ZNF839: variants seen among roughly 807,000 people sequenced by gnomAD.
ZNF839 encodes renal carcinoma antigen NY-REN-50.
ZNF839 carries 38 observed loss-of-function variants against 56.4 expected under a neutral mutation model. The observed-to-expected ratio is 0.67, with a 90% CI of 0.52 to 0.88. ZNF839 has a LOEUF of 0.88. Among genes scored for constraint, ZNF839 ranks in the 40% least tolerant of loss-of-function variants. The pLI, the probability that ZNF839 is intolerant of heterozygous loss-of-function variation, is 0.00. For missense variants in ZNF839, 1,091 were observed against 1,177.6 expected (o/e 0.93, Z 1.08); for synonymous variants, 486 against 493.5 (o/e 0.98, Z 0.20).
chr14:102,335,638 A>C (rs888589495), intron 4 of ZNF839, 51 bp from the exon 5 acceptor site: 3 of 1,525,638 alleles, frequency 2.0e-6, no homozygotes, highest in African/African-American at 1.4e-5. Context: ...TGTATTTTCC[A>C]TATCAGTGCC....
intron 4 of ZNF839, 50 bp from the exon 5 acceptor site, chr14:102,335,639 T>C: frequency 2.6e-6 from 4 of 1,529,194 alleles, no homozygotes; most frequent in Non-Finnish European, 3.5e-6. Context: ...GTATTTTCCA[T>C]ATCAGTGCCT....
rs771374810 is a variant in ZNF839, at chr14:102,340,192, T to C, written c.1927+969T>C. Among the ~76,000 whole-genome samples, 5 of 151,902 alleles carry C rather than the reference T, an allele frequency of 3.3e-5. No homozygotes were observed. The South Asian group carries it at 1.0e-3, about 32-fold the overall frequency. ...GGTTTTACCATTTTGGTCAGGCTGG[T>C]CTGAAACTCCTGACTGCAGGTGATC... On this transcript the variant is annotated intron_variant, in intron 7 of 7. Transcript: ENST00000442396.
chr14:102,330,534 CTTTT>C (rs562581331), intron 2 of ZNF839, among the ~76,000 whole-genome samples: 4 of 126,198 alleles, frequency 3.2e-5, no homozygotes, highest in African/African-American at 2.9e-5. Context: ...GCTCCCCGCT[CTTTT>C]TTTTTTTTTT....
At chr14:102,331,463 C>T (rs750017143) in intron 2 of ZNF839, 159 bp from the exon 3 acceptor site, 28 of 612,224 alleles carry the variant, frequency 4.6e-5, no homozygotes, top group Non-Finnish European at 6.3e-5. Context: ...CTGGCCAGGT[C>T]GGTCTCAAAC....
At position 102,326,962 on chromosome 14, in the gene ZNF839, G is replaced by A. The variant is rs1393826548; in HGVS notation, c.1191+75G>A. 2.1e-6 allele frequency: 3 copies of A among 1,415,396 alleles called. No individual in the cohort carries two copies. Among genetic ancestry groups the A allele is most frequent in the African/African-American group, 2.9e-5 (2 of 69,306 alleles). The allele number at this position is 1,415,396 out of a possible 1,614,324, so 87.7% of individuals were successfully genotyped here. On this transcript the variant is annotated intron_variant, in intron 2 of 7. Coordinates refer to ENST00000442396, the MANE Select transcript of ZNF839 (RefSeq NM_018335.6). This position sits in a 1 kb window ranked among gnomAD's most constrained non-coding sequence, Gnocchi z 4.3. ...TGCTATAAAGAAATACCTGAGACCA[G>A]GTATTTTATAAAGAAAAGAGGGTTG...
At chr14:102,337,632 T>C (rs562680096) in intron 5 of ZNF839, 1 of 152,302 alleles carries the variant, frequency 6.6e-6, no homozygotes, top group African/African-American at 2.4e-5. Flanking sequence ...ACACTGTGCC[T>C]GCCCTACAGA....
chr14:102,321,516 G>A (rs1426907087), intron 1 of ZNF839, among the ~76,000 whole-genome samples: 1 of 152,186 alleles, frequency 6.6e-6, no homozygotes, highest in Non-Finnish European at 1.5e-5. Context: ...ATCTAATGGA[G>A]ACGATATAAA....
rs769163449 is a variant in ZNF839, at chr14:102,335,806, TC to T, written c.1630del (p.Gln544ArgfsTer6). 1.2e-6 allele frequency: 2 copies of T among 1,609,518 alleles called. No individual in the cohort carries two copies. The highest frequency in any genetic ancestry group is 1.7e-6 in the Non-Finnish European group (2 of 1,179,832). On this transcript the variant is annotated frameshift_variant, in exon 5 of 8. Coordinates refer to ENST00000442396, the MANE Select transcript of ZNF839 (RefSeq NM_018335.6). LOFTEE classifies it high-confidence loss of function. ...TTACCTCAGTAGTTCTGGTCTGTGT[TC>T]CCAGGAGACCCTGGAAATAAACAAT... ...QDYLSSSGLC[S>X]QETLEINNDK...
chr14:102,338,019 C>T (rs117407744), intron 5 of ZNF839, among the ~76,000 whole-genome samples: 1,797 of 152,262 alleles, frequency 0.012, 17 homozygotes, highest in Middle Eastern at 0.044. Flanking sequence ...CCAAGATCAC[C>T]CAGGCCATGG....
chr14:102,321,263 G>C (rs987002679), intron 1 of ZNF839, among the ~76,000 whole-genome samples: 1 of 152,222 alleles, frequency 6.6e-6, no homozygotes, highest in Non-Finnish European at 1.5e-5. Context: ...GGGCCGCTCA[G>C]TTTTCAGCAG....
At position 102,342,094 on chromosome 14, in the gene ZNF839, C is replaced by T. The variant is rs781260571; in HGVS notation, c.2699C>T (p.Ser900Phe). 1.7e-5 allele frequency: 27 copies of T among 1,613,982 alleles called. 1 individual carries two copies. The Middle Eastern group carries it at 5.0e-4, about 30-fold the overall frequency. ...FIQTSDGLILSPPGTIVSQEE... is the reference protein window; with the variant it reads ...FIQTSDGLILFPPGTIVSQEE... Reference sequence around the variant, plus strand: ...CAGACTTCCGATGGGCTTATCTTGTCCCCTCCAGGTACAATAGTGTCTCAG... The same window carrying T: ...CAGACTTCCGATGGGCTTATCTTGTTCCCTCCAGGTACAATAGTGTCTCAG... The change falls in exon 8 of 8, where the codon TCC becomes TTC. Residue 900 changes from serine to phenylalanine, a missense_variant. Transcript: ENST00000442396.
upstream of ZNF839, chr14:102,319,314 C>T (rs1171343071): frequency 6.6e-6 from 1 of 152,670 alleles, no homozygotes; most frequent in African/African-American, 2.4e-5. This position sits in a 1 kb window ranked among gnomAD's most constrained non-coding sequence, Gnocchi z 4.5. Context: ...CTCTCGTTAA[C>T]AATTCAAACT....
upstream of ZNF839, chr14:102,319,624 C>G: frequency 1.7e-6 from 2 of 1,181,074 alleles, no homozygotes; most frequent in Non-Finnish European, 2.1e-6. The surrounding 1 kb of genome is among the most constrained non-coding windows in gnomAD (Gnocchi z 4.5). Flanking sequence ...GCGGGGCACT[C>G]CACGACTTTC....
At chr14:102,321,097 C>T (rs2073105028) in intron 1 of ZNF839, among the ~76,000 whole-genome samples, 1 of 152,140 alleles carries the variant, frequency 6.6e-6, no homozygotes, top group African/African-American at 2.4e-5. Flanking sequence ...TTAGGAAGAC[C>T]AGTGTGATTC....
At chr14:102,338,492 C>G (rs1026854472) in intron 5 of ZNF839, among the ~76,000 whole-genome samples, 2 of 132,586 alleles carry the variant, frequency 1.5e-5, no homozygotes, top group African/African-American at 5.8e-5. Flanking sequence ...AAGCCAAGAT[C>G]ATGCCACTGC....
chr14:102,335,530 G>C, intron 4 of ZNF839, 159 bp from the exon 5 acceptor site: 2 of 688,268 alleles, frequency 2.9e-6, no homozygotes. Flanking sequence ...TGCACCATGC[G>C]GGGCACACAG....
chr14:102,328,406 A>ATATATG, intron 2 of ZNF839, among the ~76,000 whole-genome samples: 1 of 112,878 alleles, frequency 8.9e-6, no homozygotes, highest in Non-Finnish European at 1.8e-5. Context: ...ATATATATAT[A>ATATATG]TATATGTATA....
At chr14:102,320,094 G>T in intron 1 of ZNF839, 41 bp downstream of exon 1, 1 of 1,150,784 alleles carries the variant, frequency 8.7e-7, no homozygotes, top group Non-Finnish European at 1.1e-6. Context: ...GAGGCCCGAA[G>T]GGGGCCGACG....
chr14:102,324,099 C>T (rs1174853224), intron 1 of ZNF839, among the ~76,000 whole-genome samples: 1 of 152,120 alleles, frequency 6.6e-6, no homozygotes, highest in Non-Finnish European at 1.5e-5. Flanking sequence ...GGTGAAGAAA[C>T]AGGCATGCAG....
Sources: gnomAD v4.1 joint callset for allele counts (sites outside exome capture counted in the v4.1 genomes callset) on GRCh38, gnomAD v4.1.1 for gene constraint, Gnocchi (gnomAD v3.1) non-coding constraint, MANE v1.5 for transcripts, NCBI Gene and HGNC (gene_info 2026-07-23, HGNC 2026-07-21) for gene names.